Variants in MALRD1 observed in about 807,000 individuals in gnomAD.
MALRD1 encodes MAM and LDL-receptor class A domain-containing protein 1.
Under a neutral mutation model 242.1 loss-of-function variants are expected in MALRD1, and 247 were observed. The ratio of observed to expected loss-of-function variants is 1.02; its 90% CI spans 0.92 to 1.13. The LOEUF (loss-of-function observed/expected upper bound fraction) is 1.13, where lower values mean the gene tolerates loss of function less well. MALRD1 is among the 50% of genes most tolerant of loss of function. MALRD1 has a pLI of 0.00. For synonymous variants in MALRD1, 995 were observed against 866.6 expected, an observed-to-expected ratio of 1.15 and a Z score of -2.60; for missense variants, 2,989 against 2,533.1, an observed-to-expected ratio of 1.18 and a Z score of -3.86.
chr10:19,583,778 G>C (rs1360404551), intron 33 of MALRD1, among the ~76,000 whole-genome samples: 1 of 151,320 alleles, frequency 6.6e-6, no homozygotes, highest in African/African-American at 2.4e-5. Flanking sequence ...TCTATTGATT[G>C]GAATAGTTTC....
At chr10:19,718,101 G>GGAAGAGGAAGAAGAAGAAGAA (rs1225616727) in intron 38 of MALRD1, among the ~76,000 whole-genome samples, 1 of 89,696 alleles carries the variant, frequency 1.1e-5, no homozygotes, top group East Asian at 2.9e-4. Context: ...AAGAAGAAGA[G>GGAAGAGGAAGAAGAAGAAGAA]GAAGAGGAAG....
At chr10:19,081,976 A>G (rs1454147548) in intron 2 of MALRD1, among the ~76,000 whole-genome samples, 3 of 151,914 alleles carry the variant, frequency 2.0e-5, no homozygotes, top group Non-Finnish European at 4.4e-5. Flanking sequence ...TTTTGATTTA[A>G]GAATTTAATC....
At chr10:19,680,232 G>A (rs115960638) in intron 36 of MALRD1, among the ~76,000 whole-genome samples, 3,751 of 152,254 alleles carry the variant, frequency 0.025, 85 homozygotes, top group African/African-American at 0.055. Context: ...AATATTGACA[G>A]TTGGGTGTTA....
At chr10:19,655,158 C>A (rs954474285) in intron 36 of MALRD1, among the ~76,000 whole-genome samples, 5 of 152,014 alleles carry the variant, frequency 3.3e-5, no homozygotes, top group Non-Finnish European at 5.9e-5. Context: ...AAGAAACATG[C>A]ATATGTTGTT....
chr10:19,264,775 T>A (rs1839907486), intron 19 of MALRD1, among the ~76,000 whole-genome samples: 2 of 149,774 alleles, frequency 1.3e-5, no homozygotes, highest in Non-Finnish European at 3.0e-5. Flanking sequence ...AAAAAATGAG[T>A]TTGAAAGTGT....
At chr10:19,140,779 A>G (rs1033796711) in intron 10 of MALRD1, among the ~76,000 whole-genome samples, 3 of 152,184 alleles carry the variant, frequency 2.0e-5, no homozygotes, top group Non-Finnish European at 2.9e-5. Flanking sequence ...GCAGTTGTCC[A>G]GGGCTGAGGC....
At chr10:19,179,413 G>T (rs1835400576) in intron 14 of MALRD1, among the ~76,000 whole-genome samples, 1 of 152,144 alleles carries the variant, frequency 6.6e-6, no homozygotes, top group South Asian at 2.1e-4. Context: ...ACTTTGGGAG[G>T]CTGAGGCATG....
At chr10:19,587,034 C>T (rs531313617) in intron 33 of MALRD1, among the ~76,000 whole-genome samples, 328 of 152,374 alleles carry the variant, frequency 2.2e-3, no homozygotes, top group Middle Eastern at 6.8e-3. Flanking sequence ...AAAGGGAACT[C>T]CCTGACCCCT....
intron 36 of MALRD1, among the ~76,000 whole-genome samples, chr10:19,642,130 C>T (rs987389924): frequency 6.6e-6 from 1 of 152,122 alleles, no homozygotes; most frequent in East Asian, 1.9e-4. Flanking sequence ...AGGGTTATAT[C>T]AGCAGAACAT....
intron 33 of MALRD1, among the ~76,000 whole-genome samples, chr10:19,589,138 G>A (rs1032018889): frequency 6.6e-6 from 1 of 152,112 alleles, no homozygotes; most frequent in Non-Finnish European, 1.5e-5. Context: ...CACATACAAT[G>A]TACAGACTGA....
chr10:19,588,140 A>G (rs554259287), intron 33 of MALRD1, among the ~76,000 whole-genome samples: 4 of 152,142 alleles, frequency 2.6e-5, no homozygotes, highest in African/African-American at 9.6e-5. Flanking sequence ...ATATTCAAAT[A>G]TATTCGAAAA....
At position 19,628,538 on chromosome 10, in the gene MALRD1, G is replaced by C. The variant is rs568806054; in HGVS notation, c.6137+12615G>C. 1.4e-3 allele frequency among the ~76,000 whole-genome samples: 209 copies of C among 152,128 alleles called. 1 individual carries two copies. The highest frequency in any genetic ancestry group is 4.7e-3 in the African/African-American group (197 of 41,512). On this transcript the variant is annotated intron_variant, in intron 36 of 39. Transcript: ENST00000454679. ...TAATATGTATATTAAGATCCTATTT[G>C]GAGAGGGAGAAAATGTGTAACTGTG...
At chr10:19,712,916 C>A (rs149053773) in intron 38 of MALRD1, among the ~76,000 whole-genome samples, 2 of 152,150 alleles carry the variant, frequency 1.3e-5, no homozygotes, top group Admixed American at 6.6e-5. Flanking sequence ...AGAACAGAGC[C>A]ACTCAAATGC....
chr10:19,479,366 A>G (rs1222794470), intron 29 of MALRD1, among the ~76,000 whole-genome samples: 3 of 152,196 alleles, frequency 2.0e-5, no homozygotes, highest in South Asian at 4.1e-4. Flanking sequence ...TGGAAGGAAC[A>G]GCACCTAAGG....
At chr10:19,668,378 G>A (rs1356452518) in intron 36 of MALRD1, among the ~76,000 whole-genome samples, 1 of 152,110 alleles carries the variant, frequency 6.6e-6, no homozygotes, top group East Asian at 1.9e-4. Context: ...CACCAAGAAA[G>A]GGAGGTTGGT....
chr10:19,319,619 TC>T (rs1244122522), intron 21 of MALRD1, among the ~76,000 whole-genome samples: 1 of 152,080 alleles, frequency 6.6e-6, no homozygotes, highest in African/African-American at 2.4e-5. Flanking sequence ...GAGGCTTGGA[TC>T]ATGGTGCTGG....
chr10:19,239,121 C>T (rs1838641697), intron 18 of MALRD1, among the ~76,000 whole-genome samples: 1 of 150,846 alleles, frequency 6.6e-6, no homozygotes, highest in East Asian at 2.0e-4. Flanking sequence ...TGCAGTGGTG[C>T]AGTCGGGGCT....
chr10:19,326,205 A>G (rs1475186889), intron 22 of MALRD1, among the ~76,000 whole-genome samples: 1 of 152,124 alleles, frequency 6.6e-6, no homozygotes, highest in Non-Finnish European at 1.5e-5. Context: ...TTCAGGCAAA[A>G]CAATTACTAC....
chr10:19,180,551 C>G (rs1384362903), intron 14 of MALRD1, among the ~76,000 whole-genome samples: 1 of 152,086 alleles, frequency 6.6e-6, no homozygotes, highest in Non-Finnish European at 1.5e-5. Flanking sequence ...TTGTCTTACA[C>G]CGTACACTTA....
Sources: gnomAD v4.1 joint callset for allele counts (sites outside exome capture counted in the v4.1 genomes callset) on GRCh38, gnomAD v4.1.1 for gene constraint, MANE v1.5 for transcripts, NCBI Gene and HGNC (gene_info 2026-07-23, HGNC 2026-07-21) for gene names.